The following TOP1 variants were observed in gnomAD, a reference collection of about 807,000 sequenced individuals.
TOP1 encodes DNA topoisomerase 1.
A neutral mutation model predicts 111.1 loss-of-function variants in TOP1; 10 were observed. The observed-to-expected ratio is 0.09, with a 90% CI of 0.06 to 0.15. The LOEUF is 0.15. TOP1 is among the 10% of genes least tolerant of loss of function. The pLI, the probability that TOP1 is intolerant of heterozygous loss-of-function variation, is 1.00. For missense variants in TOP1, 474 were observed against 926.7 expected, an observed-to-expected ratio of 0.51 and a Z score of 6.34; for synonymous variants, 271 against 302.9, an observed-to-expected ratio of 0.89 and a Z score of 1.10.
At position 41,079,516 on chromosome 20, in the gene TOP1, A is replaced by G. The variant is rs1009504214; in HGVS notation, c.336-569A>G. The stretch of plus-strand genomic sequence containing the variant: ...ACAATGAATAGATTTGGCATAGGAT[A>G]CCTTCTGTTTATTCTGGTTTAACAC... On this transcript the variant is annotated intron_variant, in intron 5 of 20. Transcript: ENST00000361337. The surrounding 1 kb of genome is among the most constrained non-coding windows in gnomAD (Gnocchi z 4.0). Among the ~76,000 whole-genome samples, 1 of 152,206 alleles carries G rather than the reference A, an allele frequency of 6.6e-6. No homozygotes were observed. Among genetic ancestry groups the G allele is most frequent in the Non-Finnish European group, 1.5e-5 (1 of 68,044 alleles).
chr20:41,102,970 CAA>C lies in TOP1; in HGVS notation c.1308+1618_1308+1619del, dbSNP rs144133610. ...TGGGTCTTAAAAGTAGTATTTCAAACAAGAGAGAACTGTGTCGTGGACAAAGG... is the reference window on the plus strand; with the variant it reads ...TGGGTCTTAAAAGTAGTATTTCAAACGAGAGAACTGTGTCGTGGACAAAGG... On this transcript the variant is annotated intron_variant, in intron 13 of 20. Transcript: ENST00000361337. This position sits in a 1 kb window ranked among gnomAD's most constrained non-coding sequence, Gnocchi z 4.0. Among the ~76,000 whole-genome samples, 2,264 of 152,168 alleles carry C rather than the reference CAA, an allele frequency of 0.015. 19 individuals carry two copies. Among genetic ancestry groups the C allele is most frequent in the Non-Finnish European group, 0.019 (1,265 of 67,986 alleles).
At position 41,030,400 on chromosome 20, in the gene TOP1, G is replaced by A. The variant is rs2033103418; in HGVS notation, c.58+945G>A. On this transcript the variant is annotated intron_variant, in intron 2 of 20. Coordinates refer to ENST00000361337, the MANE Select transcript of TOP1 (RefSeq NM_003286.4). This position sits in a 1 kb window ranked among gnomAD's most constrained non-coding sequence, Gnocchi z 4.1. ...AAAAGATTTTATTTATTGAAGCAAA[G>A]AGTGTCCAGTACCCACCCCTGCTTC... Among the ~76,000 whole-genome samples the A allele has an allele frequency of 6.6e-6, 1 of 151,836 alleles. No homozygotes were observed. The highest frequency in any genetic ancestry group is 2.4e-5 in the African/African-American group (1 of 41,346).
chr20:41,074,570 T>G (rs536702695), intron 3 of TOP1, among the ~76,000 whole-genome samples: 1 of 152,310 alleles, frequency 6.6e-6, no homozygotes, highest in South Asian at 2.1e-4. Context: ...GCTAGATTTC[T>G]TAAAGTTTCT....
chr20:41,056,747 G>T (rs2145924400), intron 2 of TOP1, among the ~76,000 whole-genome samples: 1 of 152,296 alleles, frequency 6.6e-6, no homozygotes, highest in South Asian at 2.1e-4. Flanking sequence ...CTCCCAAAGT[G>T]TTGGGATTGT....
At position 41,081,179 on chromosome 20, in the gene TOP1, C is replaced by T; in HGVS notation, c.446C>T (p.Pro149Leu). The change falls in exon 7 of 21, where the codon CCT becomes CTT. Residue 149 changes from proline (P) to leucine (L), a missense_variant. Physicochemically the swap from Pro to Leu is moderately conservative, Grantham distance 98. This residue lies in a region of TOP1 where 185 missense variants were observed against 226.3 expected (regional missense o/e 0.82). Coordinates refer to ENST00000361337, the MANE Select transcript of TOP1 (RefSeq NM_003286.4). Reference protein sequence around the residue: ...PRDEDDADYKPKKIKTEDTKK... With the variant: ...PRDEDDADYKLKKIKTEDTKK... ...CCCCTTTCTAGTGCTGATTATAAAC[C>T]TAAGAAAATTAAAACAGAAGATACC... The T allele has an allele frequency of 1.3e-6, 2 of 1,597,430 alleles. No homozygotes were observed. The highest frequency in any genetic ancestry group is 1.7e-6 in the Non-Finnish European group (2 of 1,168,796).
Position 41,119,806 on chromosome 20 carries a change from C to T in TOP1, c.1950+1510C>T, listed in dbSNP as rs1038875282. Among the ~76,000 whole-genome samples the T allele has an allele frequency of 8.5e-5, 13 of 152,378 alleles. No individual in the cohort carries two copies. In the South Asian group the frequency reaches 2.3e-3, roughly 27 times the overall value. Reference sequence around the variant, plus strand: ...ATTGGCAGGCAAAGAACTCTATAGACGGCCCATCCTAGCAGCTCACATTTG... The same window carrying T: ...ATTGGCAGGCAAAGAACTCTATAGATGGCCCATCCTAGCAGCTCACATTTG... On this transcript the variant is annotated intron_variant, in intron 18 of 20. Transcript: ENST00000361337.
In TOP1 at chr20:41,122,170, C is replaced by T. The variant is rs764669795; in HGVS notation, c.2195+15C>T. On this transcript the variant is annotated intron_variant, in intron 20 of 20. Coordinates refer to ENST00000361337, the MANE Select transcript of TOP1 (RefSeq NM_003286.4). The surrounding 1 kb of genome is among the most constrained non-coding windows in gnomAD (Gnocchi z 5.4). Reference sequence around the variant, plus strand: ...ACAGTGGCTTGGTAAGTGTTGAGCCCTCCTTGAGCTCCTGCTGCTAGCTTA... The same window carrying T: ...ACAGTGGCTTGGTAAGTGTTGAGCCTTCCTTGAGCTCCTGCTGCTAGCTTA... 7 of 1,612,928 alleles carry T rather than the reference C, an allele frequency of 4.3e-6. No homozygotes were observed. The highest frequency in any genetic ancestry group is 5.1e-6 in the Non-Finnish European group (6 of 1,179,392).
chr20:41,078,330 G>A lies in TOP1; in HGVS notation c.335+693G>A, dbSNP rs915520633. On this transcript the variant is annotated intron_variant, in intron 5 of 20. Transcript: ENST00000361337. The surrounding 1 kb of genome is among the most constrained non-coding windows in gnomAD (Gnocchi z 5.3). Reference sequence around the variant, plus strand: ...GTTTCGAAACAACTAGATGTTTATTGTTACATATTCTCACTTCACTGAATG... The same window carrying A: ...GTTTCGAAACAACTAGATGTTTATTATTACATATTCTCACTTCACTGAATG... 1.3e-5 allele frequency among the ~76,000 whole-genome samples: 2 copies of A among 152,154 alleles called. No homozygotes were observed. Among genetic ancestry groups the A allele is most frequent in the Non-Finnish European group, 2.9e-5 (2 of 68,020 alleles).
At chr20:41,060,355 G>A (rs1157347876) in intron 2 of TOP1, among the ~76,000 whole-genome samples, 1 of 152,152 alleles carries the variant, frequency 6.6e-6, no homozygotes, top group Non-Finnish European at 1.5e-5. Context: ...CCAACAATGT[G>A]GATGAATGTC....
chr20:41,055,381 G>T (rs2033457842), intron 2 of TOP1, among the ~76,000 whole-genome samples: 1 of 152,224 alleles, frequency 6.6e-6, no homozygotes, highest in African/African-American at 2.4e-5. Context: ...GAAAAGGTAT[G>T]TGCTGAAAGT....
At chr20:41,070,532 C>T (rs1206665547) in intron 3 of TOP1, among the ~76,000 whole-genome samples, 2 of 152,176 alleles carry the variant, frequency 1.3e-5, no homozygotes, top group Admixed American at 6.5e-5. Context: ...CCAGAGGCAA[C>T]TTTTGAAGTT....
At chr20:41,062,346 G>A (rs935785318) in intron 3 of TOP1, among the ~76,000 whole-genome samples, 1 of 152,178 alleles carries the variant, frequency 6.6e-6, no homozygotes, top group African/African-American at 2.4e-5. Context: ...AAGTTAAAGT[G>A]AGAATTGCTT....
At position 41,114,255 on chromosome 20, in the gene TOP1, A is replaced by C. The variant is rs550139804; in HGVS notation, c.1638+100A>C. On this transcript the variant is annotated intron_variant, in intron 15 of 20. Transcript: ENST00000361337. The surrounding 1 kb of genome is among the most constrained non-coding windows in gnomAD (Gnocchi z 4.5). Reference sequence around the variant, plus strand: ...GCTTTGCACTTTGCTGGGCACCAGCAAAAGTGACTTGAGACAGGCAACATG... The same window carrying C: ...GCTTTGCACTTTGCTGGGCACCAGCCAAAGTGACTTGAGACAGGCAACATG... 7.7e-5 allele frequency: 82 copies of C among 1,067,580 alleles called. No individual in the cohort carries two copies. In the African/African-American group the frequency reaches 1.0e-3, roughly 13 times the overall value. 66.1% of individuals were successfully genotyped at this position (1,067,580 alleles called of 1,614,324 possible).
intron 2 of TOP1, among the ~76,000 whole-genome samples, chr20:41,056,905 A>G (rs576748665): frequency 2.0e-5 from 3 of 152,142 alleles, no homozygotes; most frequent in Non-Finnish European, 4.4e-5. Flanking sequence ...ATTTTTAGAC[A>G]GCAGTTGCTT....
At chr20:41,108,219 C>A (rs748389833) in intron 13 of TOP1, among the ~76,000 whole-genome samples, 1 of 152,136 alleles carries the variant, frequency 6.6e-6, no homozygotes, top group African/African-American at 2.4e-5. Context: ...TTCTAAGAGT[C>A]GTCTTTGTTT....
rs1290584730 is a variant in TOP1, at chr20:41,030,362, T to G, written c.58+907T>G. 6.6e-6 allele frequency among the ~76,000 whole-genome samples: 1 copy of G among 152,152 alleles called. No homozygotes were observed. The highest frequency in any genetic ancestry group is 1.5e-5 in the Non-Finnish European group (1 of 68,038). On this transcript the variant is annotated intron_variant, in intron 2 of 20. Transcript: ENST00000361337. The surrounding 1 kb of genome is among the most constrained non-coding windows in gnomAD (Gnocchi z 4.1). ...GGTGTGTTGGCCTTTTCGTTTGGGT[T>G]GTAAGGAGGAAAAAAAGATTTTATT...
chr20:41,122,029 C>T lies in TOP1; in HGVS notation c.2069C>T (p.Ala690Val), dbSNP rs1009451528. 7.4e-6 allele frequency: 12 copies of T among 1,614,000 alleles called. No individual in the cohort carries two copies. Among genetic ancestry groups the T allele is most frequent in the Non-Finnish European group, 1.0e-5 (12 of 1,180,010 alleles). ...AGGGTAGTAGAGTCAAAGAAGAAGG[C>T]TGTTCAGAGACTGGAGGAACAGTTG... The part of the protein sequence containing the change: ...TKKVVESKKK[A>V]VQRLEEQLMK... Residue 690 changes from alanine (A) to valine (V), a missense_variant, in exon 20 of 21, where the codon GCT becomes GTT. Coordinates refer to ENST00000361337, the MANE Select transcript of TOP1 (RefSeq NM_003286.4). The surrounding 1 kb of genome is among the most constrained non-coding windows in gnomAD (Gnocchi z 5.4).
In TOP1 at chr20:41,101,438, C is replaced by A. The variant is rs2145953317; in HGVS notation, c.1308+85C>A. On this transcript the variant is annotated intron_variant, in intron 13 of 20. Coordinates refer to ENST00000361337, the MANE Select transcript of TOP1 (RefSeq NM_003286.4). This position sits in a 1 kb window ranked among gnomAD's most constrained non-coding sequence, Gnocchi z 4.1. ...ATGTAACGTTCTCGTCCTCTAGAAT[C>A]ACTTTGACAAATTAAAAATCCTCCC... 1 of 1,371,526 alleles carries A rather than the reference C, an allele frequency of 7.3e-7. No individual in the cohort carries two copies. Among genetic ancestry groups the A allele is most frequent in the Non-Finnish European group, 9.8e-7 (1 of 1,018,120 alleles). The allele number at this position is 1,371,526 out of a possible 1,614,324, so 85.0% of individuals were successfully genotyped here. A position where few individuals can be genotyped will look rare whatever the true frequency, so the allele number is the denominator to read the frequency against.
chr20:41,101,369 A>C lies in TOP1; in HGVS notation c.1308+16A>C. On this transcript the variant is annotated intron_variant, in intron 13 of 20. Transcript: ENST00000361337. This position sits in a 1 kb window ranked among gnomAD's most constrained non-coding sequence, Gnocchi z 4.1. Reference sequence around the variant, plus strand: ...ACGAATCAAGGTAAGGGGATAGTTGAGAGCTGCACTGGTTCATGGTGCTGA... The same window carrying C: ...ACGAATCAAGGTAAGGGGATAGTTGCGAGCTGCACTGGTTCATGGTGCTGA... The C allele has an allele frequency of 6.2e-7, 1 of 1,611,822 alleles. No individual in the cohort carries two copies. Among genetic ancestry groups the C allele is most frequent in the Non-Finnish European group, 8.5e-7 (1 of 1,178,120 alleles).
Sources: gnomAD v4.1 joint callset for allele counts (sites outside exome capture counted in the v4.1 genomes callset) on GRCh38, gnomAD v4.1.1 for gene constraint, gnomAD v4.1.1 regional missense constraint, Gnocchi (gnomAD v3.1) non-coding constraint, MANE v1.5 for transcripts, NCBI Gene and HGNC (gene_info 2026-07-23, HGNC 2026-07-21) for gene names.